CTNNA1: variants seen among roughly 807,000 people sequenced by gnomAD.
The protein encoded by CTNNA1 is catenin alpha-1.
Under a neutral mutation model 98.4 loss-of-function variants are expected in CTNNA1, and 37 were observed. The ratio of observed to expected loss-of-function variants is 0.38; its 90% CI spans 0.29 to 0.49. The LOEUF (loss-of-function observed/expected upper bound fraction) is 0.49, where lower values mean the gene tolerates loss of function less well. CTNNA1 is among the 20% of genes least tolerant of loss of function. CTNNA1 has a pLI of 0.95. For missense variants in CTNNA1, 761 were observed against 1,147.2 expected, an observed-to-expected ratio of 0.66 and a Z score of 4.86; for synonymous variants, 404 against 413.2, an observed-to-expected ratio of 0.98 and a Z score of 0.27.
At chr5:138,862,438 A>G (rs929840676) in intron 7 of CTNNA1, among the ~76,000 whole-genome samples, 1 of 152,252 alleles carries the variant, frequency 6.6e-6, no homozygotes, top group African/African-American at 2.4e-5. Flanking sequence ...AAGCTGAGAC[A>G]TCAATGAGAT....
intron 3 of CTNNA1, among the ~76,000 whole-genome samples, chr5:138,792,138 G>A (rs1170169748): frequency 6.6e-6 from 1 of 152,134 alleles, no homozygotes; most frequent in Non-Finnish European, 1.5e-5. Flanking sequence ...GGACATAGAT[G>A]CCATCTTCCT....
intron 16 of CTNNA1, 60 bp downstream of exon 16, chr5:138,930,995 C>A: frequency 1.8e-6 from 2 of 1,104,428 alleles, no homozygotes; most frequent in Non-Finnish European, 2.8e-6. Flanking sequence ...GGCAGCCCAG[C>A]CTGGTCCATT....
At chr5:138,782,293 CTT>C (rs1755202683) in intron 2 of CTNNA1, 7 of 529,930 alleles carry the variant, frequency 1.3e-5, no homozygotes, top group South Asian at 1.1e-4. Flanking sequence ...TTTGCAGATA[CTT>C]CACCTTTCTT....
At chr5:138,782,105 G>T (rs933213502) in intron 2 of CTNNA1, 76 bp downstream of exon 2, 8 of 1,388,900 alleles carry the variant, frequency 5.8e-6, no homozygotes, top group African/African-American at 1.5e-5. Context: ...TAAGAGCAAG[G>T]TTATTTAGTT....
intron 7 of CTNNA1, among the ~76,000 whole-genome samples, chr5:138,859,156 T>C (rs1258297048): frequency 6.6e-6 from 1 of 152,238 alleles, no homozygotes; most frequent in Non-Finnish European, 1.5e-5. Context: ...TCCTTTGATA[T>C]GTCGTTTCCA....
chr5:138,891,882 C>T (rs2150058655), intron 9 of CTNNA1, among the ~76,000 whole-genome samples: 1 of 152,328 alleles, frequency 6.6e-6, no homozygotes, highest in South Asian at 2.1e-4. Context: ...CTGGGAACTG[C>T]TTAAGGCAAA....
Position 138,934,417 on chromosome 5 carries a change from G to A in CTNNA1, c.*328G>A, listed in dbSNP as rs1249383212. 7.6e-6 allele frequency: 2 copies of A among 263,774 alleles called. No individual in the cohort carries two copies. The highest frequency in any genetic ancestry group is 1.4e-5 in the Non-Finnish European group (2 of 139,282). 16.3% of individuals were successfully genotyped at this position (263,774 alleles called of 1,614,324 possible). A position where few individuals can be genotyped will look rare whatever the true frequency, so the allele number is the denominator to read the frequency against. On this transcript the variant is annotated 3_prime_UTR_variant, in exon 18 of 18. Coordinates refer to ENST00000302763, the MANE Select transcript of CTNNA1 (RefSeq NM_001903.5). ...TTCTCTTAGTGATGGCGGCGTTAGGGTTTGAGAGAAGGGAATTTGGCTCAA... is the reference window on the plus strand; with the variant it reads ...TTCTCTTAGTGATGGCGGCGTTAGGATTTGAGAGAAGGGAATTTGGCTCAA...
chr5:138,904,229 GA>G, intron 9 of CTNNA1, 119 bp from the exon 10 acceptor site: 1 of 1,228,682 alleles, frequency 8.1e-7, no homozygotes, highest in Non-Finnish European at 1.1e-6. Flanking sequence ...TGTGAGAAGG[GA>G]GGCACCCTTG....
intron 16 of CTNNA1, 162 bp from the exon 17 acceptor site, chr5:138,932,416 G>T: frequency 6.9e-7 from 1 of 1,441,874 alleles, no homozygotes; most frequent in South Asian, 1.5e-5. Context: ...CAAGCAGAGT[G>T]TAGGCAAGGG....
intron 3 of CTNNA1, among the ~76,000 whole-genome samples, chr5:138,799,194 C>T (rs1393417048): frequency 6.6e-6 from 1 of 152,018 alleles, no homozygotes; most frequent in Non-Finnish European, 1.5e-5. Flanking sequence ...GAGTTTCGCT[C>T]TTGTTGCCCA....
chr5:138,901,361 T>C (rs1432812976), intron 9 of CTNNA1, among the ~76,000 whole-genome samples: 1 of 152,116 alleles, frequency 6.6e-6, no homozygotes, highest in Non-Finnish European at 1.5e-5. Flanking sequence ...TTTCACTATG[T>C]GGCCAGGGGT....
chr5:138,827,920 C>G (rs1228198583), intron 7 of CTNNA1: 3 of 603,258 alleles, frequency 5.0e-6, no homozygotes, highest in Non-Finnish European at 5.7e-6. Flanking sequence ...AAATTTTCAA[C>G]TTATAAAAAT....
At chr5:138,864,949 G>A in intron 7 of CTNNA1, among the ~76,000 whole-genome samples, 1 of 151,982 alleles carries the variant, frequency 6.6e-6, no homozygotes, top group Admixed American at 6.6e-5. Flanking sequence ...GAGAAGCTGG[G>A]ATTACAGGTG....
At chr5:138,834,558 A>T (rs1223789152) in intron 7 of CTNNA1, among the ~76,000 whole-genome samples, 1 of 152,178 alleles carries the variant, frequency 6.6e-6, no homozygotes, top group South Asian at 2.1e-4. Flanking sequence ...TCTGACCTGA[A>T]AGTCTGAACT....
intron 1 of CTNNA1, among the ~76,000 whole-genome samples, chr5:138,770,466 CTTGTT>C (rs1193180796): frequency 6.6e-6 from 1 of 152,186 alleles, no homozygotes; most frequent in Non-Finnish European, 1.5e-5. Flanking sequence ...ACCCCAGGAG[CTTGTT>C]TTGTTTTCCT....
chr5:138,780,636 G>C (rs996880080), intron 1 of CTNNA1, among the ~76,000 whole-genome samples: 5 of 152,038 alleles, frequency 3.3e-5, no homozygotes, highest in African/African-American at 4.8e-5. Flanking sequence ...TTCTGCCTCA[G>C]CCTCCCGAGT....
chr5:138,886,251 A>G lies in CTNNA1; in HGVS notation c.1102A>G (p.Ile368Val), dbSNP rs1354521948. 3.1e-6 allele frequency: 5 copies of G among 1,611,108 alleles called. No individual in the cohort carries two copies. The highest frequency in any genetic ancestry group is 2.7e-5 in the African/African-American group (2 of 74,798). ...AAGAAGTGATGCACTCAATTCTGCA[A>G]TAGATAAAATGACCAAGAAGACCAG... Reference protein sequence around the residue: ...KERSDALNSAIDKMTKKTRDL... With the variant: ...KERSDALNSAVDKMTKKTRDL... The change falls in exon 8 of 18, where the codon ATA becomes GTA. Residue 368 changes from isoleucine (I) to valine (V), a missense_variant. By Grantham distance (29) the Ile-to-Val change is conservative (BLOSUM62 3). Transcript: ENST00000302763.
chr5:138,778,278 G>T (rs1754637801), intron 1 of CTNNA1, among the ~76,000 whole-genome samples: 1 of 152,100 alleles, frequency 6.6e-6, no homozygotes, highest in Admixed American at 6.6e-5. Flanking sequence ...ACAGACGTGA[G>T]CCTCCGCGCC....
intron 10 of CTNNA1, among the ~76,000 whole-genome samples, chr5:138,915,964 G>A (rs58069803): frequency 1.2e-4 from 19 of 152,020 alleles, no homozygotes; most frequent in African/African-American, 3.4e-4. Context: ...CACAAGAATC[G>A]CTTGAGCCTG....
Sources: gnomAD v4.1 joint callset for allele counts (sites outside exome capture counted in the v4.1 genomes callset) on GRCh38, gnomAD v4.1.1 for gene constraint, MANE v1.5 for transcripts, NCBI Gene and HGNC (gene_info 2026-07-23, HGNC 2026-07-21) for gene names.